Variants in CDH13 observed in about 807,000 individuals in gnomAD.
The protein encoded by CDH13 is cadherin-13.
In CDH13, 24 loss-of-function variants were observed where a neutral mutation model predicts 63.8. That is an observed-to-expected ratio of 0.38 (90% CI 0.27 to 0.53). The LOEUF (loss-of-function observed/expected upper bound fraction) is 0.53. CDH13 is among the 20% of genes least tolerant of loss of function. The pLI is 0.85. For synonymous variants in CDH13, 503 were observed against 355.3 expected (o/e 1.42, Z -4.67); for missense variants, 1,049 against 903.1 (o/e 1.16, Z -2.07).
chr16:82,896,365 T>C (rs1382748789), intron 2 of CDH13, among the ~76,000 whole-genome samples: 3 of 147,738 alleles, frequency 2.0e-5, no homozygotes, highest in Non-Finnish European at 4.5e-5. Context: ...TATCACAGCT[T>C]ATTGCAGTCT....
intron 5 of CDH13, among the ~76,000 whole-genome samples, chr16:83,253,680 A>G (rs1238485606): frequency 6.6e-6 from 1 of 152,180 alleles, no homozygotes; most frequent in Admixed American, 6.5e-5. Flanking sequence ...AAATACTCTT[A>G]AGATCATGTG....
intron 4 of CDH13, among the ~76,000 whole-genome samples, chr16:83,175,213 A>G (rs2038078130): frequency 6.6e-6 from 1 of 152,134 alleles, no homozygotes; most frequent in Admixed American, 6.6e-5. Flanking sequence ...ATAACACATA[A>G]GATATTGGCA....
chr16:82,783,658 A>G (rs11642248), intron 1 of CDH13, among the ~76,000 whole-genome samples: 45,613 of 152,168 alleles, frequency 0.3, 7,447 homozygotes, highest in South Asian at 0.45. Context: ...TGCTTGTTCA[A>G]TGAGATTCTA....
intron 4 of CDH13, among the ~76,000 whole-genome samples, chr16:83,138,448 G>A (rs187570382): frequency 4.1e-4 from 62 of 152,276 alleles, no homozygotes; most frequent in African/African-American, 1.5e-3. Flanking sequence ...AGCAGGCAAC[G>A]CGAAGCTGAG....
At chr16:83,551,573 C>G (rs904666089) in intron 7 of CDH13, among the ~76,000 whole-genome samples, 10 of 152,222 alleles carry the variant, frequency 6.6e-5, no homozygotes, top group Non-Finnish European at 1.3e-4. Flanking sequence ...CATTCTGCAT[C>G]TTCTTGTTTC....
chr16:82,950,238 T>C lies in CDH13; in HGVS notation c.158-81772T>C, dbSNP rs978041330. On this transcript the variant is annotated intron_variant, in intron 2 of 13. Coordinates refer to ENST00000567109, the MANE Select transcript of CDH13 (RefSeq NM_001257.5). Reference sequence around the variant, plus strand: ...GTTTGCTAGAAACCTTTGGCATTCCTTAGCTTATAGCCGCATCATCCCAAT... The same window carrying C: ...GTTTGCTAGAAACCTTTGGCATTCCCTAGCTTATAGCCGCATCATCCCAAT... Among the ~76,000 whole-genome samples, 27 of 152,264 alleles carry C rather than the reference T, an allele frequency of 1.8e-4. 1 individual carries two copies. Among genetic ancestry groups the C allele is most frequent in the Admixed American group, 7.2e-4 (11 of 15,288 alleles).
chr16:83,562,789 GTGTTCC>G (rs2075731149), intron 7 of CDH13, among the ~76,000 whole-genome samples: 1 of 152,168 alleles, frequency 6.6e-6, no homozygotes, highest in Non-Finnish European at 1.5e-5. Flanking sequence ...AATCATGTCT[GTGTTCC>G]TATAAAACTA....
chr16:83,201,154 A>G (rs2039018673), intron 4 of CDH13, among the ~76,000 whole-genome samples: 1 of 151,846 alleles, frequency 6.6e-6, no homozygotes, highest in African/African-American at 2.4e-5. Context: ...TTTTTTCCTG[A>G]CCATATGGTC....
chr16:82,640,512 A>T (rs1909266214), intron 1 of CDH13, among the ~76,000 whole-genome samples: 1 of 152,186 alleles, frequency 6.6e-6, no homozygotes. Flanking sequence ...GCATTAAAGC[A>T]GCCACAGCCG....
intron 5 of CDH13, among the ~76,000 whole-genome samples, chr16:83,289,467 C>T (rs964064213): frequency 1.3e-5 from 2 of 152,146 alleles, no homozygotes; most frequent in African/African-American, 2.4e-5. Flanking sequence ...ATTTTTTCAG[C>T]ACTCTTAAGG....
At chr16:82,842,688 A>G (rs567008354) in intron 1 of CDH13, among the ~76,000 whole-genome samples, 2 of 151,414 alleles carry the variant, frequency 1.3e-5, no homozygotes, top group South Asian at 4.2e-4. Context: ...CAAGCACATT[A>G]CATTTATCGT....
intron 8 of CDH13, among the ~76,000 whole-genome samples, chr16:83,652,754 C>T (rs6563960): frequency 0.12 from 17,852 of 152,166 alleles, 1,176 homozygotes; most frequent in East Asian, 0.22. Context: ...ATCCCCAGCG[C>T]CTGCAGCCTG....
chr16:83,055,786 A>T (rs1278451094), intron 3 of CDH13, among the ~76,000 whole-genome samples: 1 of 152,146 alleles, frequency 6.6e-6, no homozygotes, highest in Non-Finnish European at 1.5e-5. Context: ...AACTGACATA[A>T]ACATTGAAAG....
At chr16:83,154,882 G>A (rs1270498214) in intron 4 of CDH13, among the ~76,000 whole-genome samples, 1 of 152,082 alleles carries the variant, frequency 6.6e-6, no homozygotes, top group Non-Finnish European at 1.5e-5. Flanking sequence ...ATCTTTAAAA[G>A]CTCTCATATT....
At chr16:83,313,033 C>T (rs1293604701) in intron 5 of CDH13, among the ~76,000 whole-genome samples, 4 of 152,202 alleles carry the variant, frequency 2.6e-5, no homozygotes, top group Non-Finnish European at 5.9e-5. Flanking sequence ...CATGGGGAAT[C>T]AGCACCCACT....
At chr16:82,918,396 A>T (rs1258824535) in intron 2 of CDH13, among the ~76,000 whole-genome samples, 1 of 152,148 alleles carries the variant, frequency 6.6e-6, no homozygotes, top group African/African-American at 2.4e-5. Context: ...AGAGGTGAGT[A>T]GACAGCAGAT....
chr16:83,359,946 C>G (rs2091130866), intron 6 of CDH13, among the ~76,000 whole-genome samples: 1 of 152,150 alleles, frequency 6.6e-6, no homozygotes, highest in African/African-American at 2.4e-5. Flanking sequence ...GACGTCGTTC[C>G]TTATAGTCTT....
At chr16:83,730,277 G>C (rs546754868) in intron 10 of CDH13, among the ~76,000 whole-genome samples, 2 of 152,192 alleles carry the variant, frequency 1.3e-5, no homozygotes, top group Non-Finnish European at 2.9e-5. Context: ...GCAAATCTGA[G>C]TATTAAAGGC....
chr16:82,649,113 T>C (rs1910441787), intron 1 of CDH13, among the ~76,000 whole-genome samples: 1 of 152,230 alleles, frequency 6.6e-6, no homozygotes, highest in African/African-American at 2.4e-5. Context: ...ACCGGCTTTC[T>C]TTACATTTGT....
Sources: gnomAD v4.1 joint callset for allele counts (sites outside exome capture counted in the v4.1 genomes callset) on GRCh38, gnomAD v4.1.1 for gene constraint, MANE v1.5 for transcripts, NCBI Gene and HGNC (gene_info 2026-07-23, HGNC 2026-07-21) for gene names.